WWTR1: variants seen among roughly 807,000 people sequenced by gnomAD.
WWTR1 encodes WW domain containing transcription regulator 1.
A neutral mutation model predicts 40.1 loss-of-function variants in WWTR1; 13 were observed. The observed-to-expected ratio is 0.32, with a 90% CI of 0.21 to 0.52. WWTR1 has a LOEUF of 0.52. WWTR1 is among the 20% of genes least tolerant of loss of function. The probability of loss-of-function intolerance (pLI) is 0.97; values close to 1 mark genes in which losing one functional copy is unlikely to be tolerated. For synonymous variants in WWTR1, 230 were observed against 210.1 expected (o/e 1.09, Z -0.82); for missense variants, 436 against 523.1 (o/e 0.83, Z 1.63).
At chr3:149,556,999 G>A (rs962500244) in intron 3 of WWTR1, among the ~76,000 whole-genome samples, 12 of 143,482 alleles carry the variant, frequency 8.4e-5, no homozygotes, top group Admixed American at 2.1e-4. Flanking sequence ...CCACTACCCA[G>A]TATTTAAAAA....
At chr3:149,682,380 C>CA (rs960295826) in intron 1 of WWTR1, among the ~76,000 whole-genome samples, 12 of 151,366 alleles carry the variant, frequency 7.9e-5, no homozygotes, top group East Asian at 7.7e-4. Flanking sequence ...TTGATAAAAG[C>CA]AAAAAAAATG....
chr3:149,676,562 C>T (rs1714266947), intron 1 of WWTR1, among the ~76,000 whole-genome samples: 2 of 152,154 alleles, frequency 1.3e-5, no homozygotes. Context: ...GGTGCTTTTA[C>T]ATACTGTTTC....
intron 3 of WWTR1, among the ~76,000 whole-genome samples, chr3:149,545,422 A>G (rs955735543): frequency 2.0e-5 from 3 of 152,242 alleles, no homozygotes; most frequent in African/African-American, 7.2e-5. Flanking sequence ...ATCTGACACA[A>G]CTACTAGAGA....
Position 149,585,967 on chromosome 3 carries a change from G to C in WWTR1, c.432-12967C>G, listed in dbSNP as rs182435086. Among the ~76,000 whole-genome samples, 4 of 152,250 alleles carry C rather than the reference G, an allele frequency of 2.6e-5. No homozygotes were observed. In the East Asian group the frequency reaches 5.8e-4, roughly 22 times the overall value. ...CAGATTTAGCCTAAAAAATGCTGTT[G>C]TTTTTAAACAAGTATGTTTATGCAA... On this transcript the variant is annotated intron_variant, in intron 2 of 6. Transcript: ENST00000360632.
upstream of WWTR1, chr3:149,658,727 A>G (rs1377530618): frequency 1.3e-5 from 2 of 152,296 alleles, no homozygotes; most frequent in African/African-American, 2.4e-5. Context: ...TAAACAAACA[A>G]CTTTCAAACC....
At chr3:149,653,006 G>A (rs534771348) in intron 2 of WWTR1, among the ~76,000 whole-genome samples, 11 of 152,240 alleles carry the variant, frequency 7.2e-5, no homozygotes, top group African/African-American at 2.6e-4. Context: ...ATAATTTTCT[G>A]TCACACATTT....
At position 149,594,845 on chromosome 3, in the gene WWTR1, G is replaced by A. The variant is rs1282257606; in HGVS notation, c.432-21845C>T. Among the ~76,000 whole-genome samples, 3 of 149,088 alleles carry A rather than the reference G, an allele frequency of 2.0e-5. No individual in the cohort carries two copies. In the East Asian group the frequency reaches 5.9e-4, roughly 29 times the overall value. ...ATTGTACTAAGGTTAATTTTCTTGG[G>A]TATAATAATAGAATTTGTTATGGTA... On this transcript the variant is annotated intron_variant, in intron 2 of 6. Transcript: ENST00000360632.
At chr3:149,560,787 A>T (rs1033691171) in intron 3 of WWTR1, among the ~76,000 whole-genome samples, 1 of 152,336 alleles carries the variant, frequency 6.6e-6, no homozygotes, top group East Asian at 1.9e-4. Context: ...AATGAAATGC[A>T]TGACATGTAC....
chr3:149,583,331 A>G (rs1327531008), intron 2 of WWTR1, among the ~76,000 whole-genome samples: 2 of 152,162 alleles, frequency 1.3e-5, no homozygotes, highest in Admixed American at 6.5e-5. Context: ...TTTTCATTAG[A>G]CAAGTATTTA....
chr3:149,575,891 C>G (rs1040499793), intron 2 of WWTR1: 4 of 443,282 alleles, frequency 9.0e-6, no homozygotes, highest in African/African-American at 2.0e-5. Context: ...CAGTTCTGAC[C>G]GAGCTTACCC....
intron 2 of WWTR1, among the ~76,000 whole-genome samples, chr3:149,633,219 T>C (rs1028695453): frequency 7.2e-5 from 11 of 151,980 alleles, no homozygotes; most frequent in African/African-American, 2.7e-4. Context: ...GAAGACCCCA[T>C]CGCTACAAAA....
At position 149,592,724 on chromosome 3, in the gene WWTR1, G is replaced by A. The variant is rs191268180; in HGVS notation, c.432-19724C>T. 6.5e-4 allele frequency among the ~76,000 whole-genome samples: 99 copies of A among 152,092 alleles called. No individual in the cohort carries two copies. The Middle Eastern group carries it at 0.01, about 16-fold the overall frequency. ...GTTTATACCCAGAAAGCTTTTAATC[G>A]TCCGCTGTATTTTAAAATCAGGAGC... is the stretch of plus-strand genomic sequence containing the variant. On this transcript the variant is annotated intron_variant, in intron 2 of 6. Transcript: ENST00000360632.
At chr3:149,558,060 T>A (rs1167617202) in intron 3 of WWTR1, among the ~76,000 whole-genome samples, 3 of 149,092 alleles carry the variant, frequency 2.0e-5, no homozygotes, top group Non-Finnish European at 4.5e-5. Flanking sequence ...AGGGAACAAA[T>A]GAATGGAAGC....
At chr3:149,521,450 C>T (rs1231336064) in intron 6 of WWTR1, among the ~76,000 whole-genome samples, 1 of 152,158 alleles carries the variant, frequency 6.6e-6, no homozygotes, top group East Asian at 1.9e-4. Flanking sequence ...TGACTTTAGG[C>T]ATCATTTATA....
intron 1 of WWTR1, among the ~76,000 whole-genome samples, chr3:149,679,361 T>C (rs950129506): frequency 7.2e-5 from 11 of 152,170 alleles, no homozygotes; most frequent in African/African-American, 2.7e-4. Context: ...CCTTTTAGGG[T>C]TATTTTGAGC....
chr3:149,628,106 C>G (rs1740662884), intron 2 of WWTR1, among the ~76,000 whole-genome samples: 1 of 149,394 alleles, frequency 6.7e-6, no homozygotes, highest in Admixed American at 6.7e-5. Context: ...CGAGGTGGCT[C>G]ACGCCTGTAA....
intron 6 of WWTR1, among the ~76,000 whole-genome samples, chr3:149,524,415 C>T (rs1326048111): frequency 1.4e-5 from 2 of 147,470 alleles, no homozygotes; most frequent in African/African-American, 2.5e-5. Context: ...TTACTGGCTT[C>T]CCAGTGTTTA....
Position 149,565,514 on chromosome 3 carries a change from T to C in WWTR1, c.568+7350A>G, listed in dbSNP as rs146311909. On this transcript the variant is annotated intron_variant, in intron 3 of 6. Transcript: ENST00000360632. Reference sequence around the variant, plus strand: ...CATAAGATTTATTTTTTATATGCTATTATGTCCTGCTTTATTACATAAAAG... The same window carrying C: ...CATAAGATTTATTTTTTATATGCTACTATGTCCTGCTTTATTACATAAAAG... Among the ~76,000 whole-genome samples the C allele has an allele frequency of 2.5e-3, 387 of 152,294 alleles. 1 individual carries two copies. The highest frequency in any genetic ancestry group is 8.6e-3 in the African/African-American group (358 of 41,558).
chr3:149,559,429 GTAGA>G (rs928506749), intron 3 of WWTR1, among the ~76,000 whole-genome samples: 9 of 151,862 alleles, frequency 5.9e-5, no homozygotes, highest in African/African-American at 9.7e-5. Flanking sequence ...AAAAAAATAT[GTAGA>G]TAGATAGATA....
Sources: allele counts gnomAD v4.1 joint callset (sites outside exome capture counted in the v4.1 genomes callset), GRCh38; gene constraint gnomAD v4.1.1; transcripts MANE v1.5; gene names NCBI Gene and HGNC (gene_info 2026-07-23, HGNC 2026-07-21).